Variants in FOLR3 observed in about 807,000 individuals in gnomAD.
FOLR3 encodes the protein folate receptor gamma, also known as folate receptor 3 (gamma).
A neutral mutation model predicts 20.0 loss-of-function variants in FOLR3; 9 were observed. The ratio of observed to expected loss-of-function variants is 0.45; its 90% CI spans 0.27 to 0.79. The LOEUF is 0.79. Ranked by LOEUF, FOLR3 falls within the 30% of genes least tolerant of loss-of-function variation. The probability of loss-of-function intolerance (pLI) is 0.15; values close to 1 mark genes in which losing one functional copy is unlikely to be tolerated. For synonymous variants in FOLR3, 124 were observed against 115.5 expected, an observed-to-expected ratio of 1.07 and a Z score of -0.47; for missense variants, 309 against 323.5, an observed-to-expected ratio of 0.96 and a Z score of 0.34.
chr11:72,139,559 C>G, intron 4 of FOLR3, 28 bp from the exon 5 acceptor site: 1 of 1,613,516 alleles, frequency 6.2e-7, no homozygotes, highest in Non-Finnish European at 8.5e-7. Context: ...GGCCCAGAAG[C>G]TAAGGGTCTT....
At position 72,139,006 on chromosome 11, in the gene FOLR3, C is replaced by T; in HGVS notation, c.214C>T (p.Gln72Ter). ...KNACCTASTS[Q>*]ELHKDTSRLY... Reference sequence around the variant, plus strand: ...TGCCTGCTGCACGGCCAGCACCAGCCAGGAGCTGCACAAGGACACCTCCCG... The same window carrying T: ...TGCCTGCTGCACGGCCAGCACCAGCTAGGAGCTGCACAAGGACACCTCCCG... Residue 72 changes from glutamine (Q) to a stop codon, truncating the protein, a stop_gained, in exon 3 of 5, where the codon CAG (glutamine) becomes TAG (stop). Coordinates refer to ENST00000611028, the MANE Select transcript of FOLR3 (RefSeq NM_000804.4). LOFTEE classifies it high-confidence loss of function. 6.2e-7 allele frequency: 1 copy of T among 1,613,988 alleles called. No individual in the cohort carries two copies. Among genetic ancestry groups the T allele is most frequent in the Non-Finnish European group, 8.5e-7 (1 of 1,179,892 alleles).
intron 2 of FOLR3, 146 bp downstream of exon 2, chr11:72,136,266 G>A: frequency 1.2e-6 from 1 of 855,900 alleles, no homozygotes; most frequent in Non-Finnish European, 1.9e-6. Flanking sequence ...CCACAGGTAA[G>A]GCCACTGAGG....
At chr11:72,136,970 C>T (rs1244940305) in intron 2 of FOLR3, among the ~76,000 whole-genome samples, 1 of 152,220 alleles carries the variant, frequency 6.6e-6, no homozygotes, top group African/African-American at 2.4e-5. Context: ...AGAGTTGGAA[C>T]ATCCAAGGAA....
At position 72,139,596 on chromosome 11, in the gene FOLR3, A is replaced by C; in HGVS notation, c.503A>C (p.Glu168Ala). The C allele has an allele frequency of 6.2e-7, 1 of 1,613,704 alleles. No homozygotes were observed. The highest frequency in any genetic ancestry group is 8.5e-7 in the Non-Finnish European group (1 of 1,179,868). The change falls in exon 5 of 5, where the codon GAG becomes GCG. Residue 168 changes from glutamate (E) to alanine (A), a missense_variant. Glu to Ala is a moderately radical substitution (Grantham distance 107, BLOSUM62 -1). Coordinates refer to ENST00000611028, the MANE Select transcript of FOLR3 (RefSeq NM_000804.4). ...CGTTCTCCTCCCTCAGGGATTAATGAGTGTCCGGCCGGGGCCCTCTGCAGC... is the reference window on the plus strand; with the variant it reads ...CGTTCTCCTCCCTCAGGGATTAATGCGTGTCCGGCCGGGGCCCTCTGCAGC... ...KGWNWTSGINECPAGALCSTF... is the reference protein window; with the variant it reads ...KGWNWTSGINACPAGALCSTF...
At chr11:72,137,522 G>A (rs914874105) in intron 2 of FOLR3, among the ~76,000 whole-genome samples, 8 of 150,392 alleles carry the variant, frequency 5.3e-5, no homozygotes, top group East Asian at 3.9e-4. Context: ...GCAGAGTTTC[G>A]CTCTTGTTGC....
At chr11:72,138,823 C>T in intron 2 of FOLR3, 138 bp from the exon 3 acceptor site, 2 of 933,976 alleles carry the variant, frequency 2.1e-6, no homozygotes, top group Non-Finnish European at 3.3e-6. Context: ...GTAATTGCCT[C>T]CGTCCCCAGG....
At chr11:72,139,173 A>G in intron 3 of FOLR3, 24 bp downstream of exon 3, 1 of 1,602,804 alleles carries the variant, frequency 6.2e-7, no homozygotes, top group Non-Finnish European at 8.5e-7. Context: ...TCCCACAAAC[A>G]TTAACCTCAG....
At position 72,139,365 on chromosome 11, in the gene FOLR3, A is replaced by G; in HGVS notation, c.376A>G (p.Lys126Glu). Reference sequence around the variant, plus strand: ...CACTCAGGTCAACCAGAGCTGGCGCAAAGAGCGCATTCTGAACGTGCCCCT... The same window carrying G: ...CACTCAGGTCAACCAGAGCTGGCGCGAAGAGCGCATTCTGAACGTGCCCCT... ...WIRQVNQSWR[K>E]ERILNVPLCK... is the part of the protein sequence containing the mutation. The change falls in exon 4 of 5, where the codon AAA becomes GAA. Residue 126 changes from lysine (K) to glutamate (E), a missense_variant. Coordinates refer to ENST00000611028, the MANE Select transcript of FOLR3 (RefSeq NM_000804.4). The G allele has an allele frequency of 6.2e-7, 1 of 1,611,998 alleles. No homozygotes were observed. The highest frequency in any genetic ancestry group is 8.5e-7 in the Non-Finnish European group (1 of 1,178,930).
In FOLR3 at chr11:72,139,660, T is replaced by A; in HGVS notation, c.567T>A (p.Cys189Ter). 6.2e-7 allele frequency: 1 copy of A among 1,613,534 alleles called. No homozygotes were observed. The highest frequency in any genetic ancestry group is 8.5e-7 in the Non-Finnish European group (1 of 1,179,886). Residue 189 changes from cysteine to a stop codon, truncating the protein, a stop_gained, in exon 5 of 5, where the codon TGT becomes TGA. Transcript: ENST00000611028. LOFTEE classifies it low-confidence loss of function (END_TRUNC). ...ACTTCCCCACTCCAGCCGCCCTTTG[T>A]GAAGGCCTCTGGAGCCACTCCTTCA... is the stretch of plus-strand genomic sequence containing the variant. ...ESYFPTPAAL[C>*]EGLWSHSFKV...
intron 2 of FOLR3, 33 bp from the exon 3 acceptor site, chr11:72,138,928 G>A: frequency 3.7e-6 from 6 of 1,610,202 alleles, no homozygotes; most frequent in Non-Finnish European, 5.1e-6. Context: ...GCTGTGGTGG[G>A]GAGAGACTTA....
In FOLR3 at chr11:72,139,361, G is replaced by A. The variant is rs2135363799; in HGVS notation, c.372G>A (p.Trp124Ter). The part of the protein sequence containing the change: ...GPWIRQVNQS[W>*]RKERILNVPL... ...TCCCCACTCAGGTCAACCAGAGCTG[G>A]CGCAAAGAGCGCATTCTGAACGTGC... is the stretch of plus-strand genomic sequence containing the variant. The change falls in exon 4 of 5, where the codon TGG becomes TGA. Residue 124 changes from tryptophan (W) to a stop codon, truncating the protein, a stop_gained. Transcript: ENST00000611028. LOFTEE classifies it high-confidence loss of function. The A allele has an allele frequency of 6.2e-7, 1 of 1,611,598 alleles. No homozygotes were observed. Among genetic ancestry groups the A allele is most frequent in the Non-Finnish European group, 8.5e-7 (1 of 1,178,746 alleles).
Position 72,139,405 on chromosome 11 carries a change from G to A in FOLR3, c.416G>A (p.Cys139Tyr). The A allele has an allele frequency of 1.9e-6, 3 of 1,611,898 alleles. No individual in the cohort carries two copies. Among genetic ancestry groups the A allele is most frequent in the South Asian group, 2.2e-5 (2 of 90,810 alleles). ...ILNVPLCKED[C>Y]ERWWEDCRTS... ...AACGTGCCCCTGTGCAAAGAGGACTGTGAGCGCTGGTGGGAGGACTGTCGC... is the reference window on the plus strand; with the variant it reads ...AACGTGCCCCTGTGCAAAGAGGACTATGAGCGCTGGTGGGAGGACTGTCGC... Residue 139 changes from cysteine (C) to tyrosine (Y), a missense_variant, in exon 4 of 5, where the codon TGT becomes TAT. By Grantham distance (194) the Cys-to-Tyr change is radical. Transcript: ENST00000611028.
chr11:72,138,952 C>T lies in FOLR3; in HGVS notation c.169-9C>T, dbSNP rs867288880. The T allele has an allele frequency of 1.9e-6, 3 of 1,613,824 alleles. No homozygotes were observed. Among genetic ancestry groups the T allele is most frequent in the Middle Eastern group, 3.3e-4 (2 of 6,062 alleles). On this transcript the variant is annotated splice_polypyrimidine_tract_variant and intron_variant, in intron 2 of 4. Coordinates refer to ENST00000611028, the MANE Select transcript of FOLR3 (RefSeq NM_000804.4). ...GGGAGAGACTTAGTCCTGTGTCTTCCCCACCCAGTGCAGTCCCTGGAAGAA... is the reference window on the plus strand; with the variant it reads ...GGGAGAGACTTAGTCCTGTGTCTTCTCCACCCAGTGCAGTCCCTGGAAGAA...
In FOLR3 at chr11:72,136,102, G is replaced by C; in HGVS notation, c.150G>C (p.Glu50Asp). 6.2e-7 allele frequency: 1 copy of C among 1,614,090 alleles called. No individual in the cohort carries two copies. Among genetic ancestry groups the C allele is most frequent in the South Asian group, 1.1e-5 (1 of 91,086 alleles). Residue 50 changes from glutamate to aspartate, a missense_variant, in exon 2 of 5, where the codon GAG becomes GAC. By Grantham distance (45) the Glu-to-Asp change is conservative. Transcript: ENST00000611028. ...AKHHKTQPSP[E>D]DELYGQCSPW... ...ACCACAAGACACAGCCCAGCCCCGA[G>C]GACGAGCTGTATGGCCAGGTGAGGG...
intron 2 of FOLR3, 73 bp from the exon 3 acceptor site, chr11:72,138,888 G>C (rs753624608): frequency 2.4e-5 from 38 of 1,565,032 alleles, no homozygotes; most frequent in Non-Finnish European, 3.1e-5. Context: ...GACCTACCTG[G>C]GGCAGAGGAG....
At chr11:72,138,935 C>G (rs761619792) in intron 2 of FOLR3, 26 bp from the exon 3 acceptor site, 1 of 1,612,652 alleles carries the variant, frequency 6.2e-7, no homozygotes, top group East Asian at 2.2e-5. Flanking sequence ...TGGGGAGAGA[C>G]TTAGTCCTGT....
At position 72,138,732 on chromosome 11, in the gene FOLR3, A is replaced by C. The variant is rs974845800; in HGVS notation, c.169-229A>C. 4 of 576,246 alleles carry C rather than the reference A, an allele frequency of 6.9e-6. No homozygotes were observed. In the African/African-American group the frequency reaches 7.5e-5, roughly 11 times the overall value. 35.7% of individuals were successfully genotyped at this position (576,246 alleles called of 1,614,324 possible). A position where few individuals can be genotyped will look rare whatever the true frequency, so the allele number is the denominator to read the frequency against. ...GGCTGCAGTGAGCTATGATCACACC[A>C]CTGCGCTCCAGCCTGGTCAACAGAG... is the stretch of plus-strand genomic sequence containing the variant. On this transcript the variant is annotated intron_variant, in intron 2 of 4. Transcript: ENST00000611028.
At chr11:72,137,694 G>A (rs146905945) in intron 2 of FOLR3, among the ~76,000 whole-genome samples, 116 of 152,002 alleles carry the variant, frequency 7.6e-4, no homozygotes, top group African/African-American at 2.7e-3. Flanking sequence ...GGGTTTCTCT[G>A]TGTTGGTCAG....
chr11:72,138,804 A>G, intron 2 of FOLR3, 157 bp from the exon 3 acceptor site: 1 of 775,728 alleles, frequency 1.3e-6, no homozygotes, highest in Non-Finnish European at 2.1e-6. Context: ...GGCGGAAAGC[A>G]CCAATATTGT....
Sources: gnomAD v4.1 joint callset for allele counts (sites outside exome capture counted in the v4.1 genomes callset) on GRCh38, gnomAD v4.1.1 for gene constraint, MANE v1.5 for transcripts, NCBI Gene and HGNC (gene_info 2026-07-23, HGNC 2026-07-21) for gene names.